The following ZFHX4 variants were observed in gnomAD, a reference collection of about 807,000 sequenced individuals.
ZFHX4 encodes the protein zinc finger homeobox protein 4.
Under a neutral mutation model 267.6 loss-of-function variants are expected in ZFHX4, and 56 were observed. The observed-to-expected ratio is 0.21, with a 90% CI of 0.17 to 0.26. The LOEUF is 0.26. ZFHX4 is among the 10% of genes least tolerant of loss of function. The pLI, the probability that ZFHX4 is intolerant of heterozygous loss-of-function variation, is 1.00. For synonymous variants in ZFHX4, 1,778 were observed against 1,665.6 expected (o/e 1.07, Z -1.64); for missense variants, 4,332 against 4,420.0 (o/e 0.98, Z 0.56).
chr8:76,809,708 C>G (rs1048190265), intron 4 of ZFHX4, among the ~76,000 whole-genome samples: 1 of 151,998 alleles, frequency 6.6e-6, no homozygotes, highest in African/African-American at 2.4e-5. Flanking sequence ...TTTGTTTTCC[C>G]TTCTGAAATT....
At chr8:76,819,083 TC>T (rs1412900733) in intron 4 of ZFHX4, among the ~76,000 whole-genome samples, 1 of 151,514 alleles carries the variant, frequency 6.6e-6, no homozygotes, top group African/African-American at 2.4e-5. Flanking sequence ...TTTTCCCCTT[TC>T]AGACAAAATG....
intron 4 of ZFHX4, among the ~76,000 whole-genome samples, chr8:76,819,214 A>G (rs1226657145): frequency 1.4e-5 from 2 of 140,078 alleles, no homozygotes; most frequent in African/African-American, 5.4e-5. Flanking sequence ...GGCTTTTGGT[A>G]GTTTTAATAA....
intron 4 of ZFHX4, among the ~76,000 whole-genome samples, chr8:76,792,810 C>CT (rs1168886119): frequency 1.3e-5 from 2 of 152,066 alleles, no homozygotes; most frequent in African/African-American, 2.4e-5. Flanking sequence ...TCCATCTGCT[C>CT]TTTTTTTGAC....
chr8:76,780,236 C>A (rs1383356801), intron 4 of ZFHX4, among the ~76,000 whole-genome samples: 1 of 152,066 alleles, frequency 6.6e-6, no homozygotes, highest in Admixed American at 6.6e-5. Flanking sequence ...CTATGTCTTA[C>A]AATGTGTTTT....
At position 76,854,734 on chromosome 8, in the gene ZFHX4, G is replaced by A; in HGVS notation, c.7813G>A (p.Asp2605Asn). Residue 2605 changes from aspartate to asparagine, a missense_variant, in exon 10 of 11, where the codon GAT becomes AAT. By Grantham distance (23) the Asp-to-Asn change is conservative. Around this residue, in one of 7 missense-constraint regions of ZFHX4, gnomAD observed 1,648 missense variants for 1,625.0 expected, o/e 1.01. Coordinates refer to ENST00000651372, the MANE Select transcript of ZFHX4 (RefSeq NM_024721.5). Reference protein sequence around the residue: ...GGNSGEDQHRDKRLRTTITPE... With the variant: ...GGNSGEDQHRNKRLRTTITPE... Reference sequence around the variant, plus strand: ...GAATAGCGGTGAAGACCAACACCGAGATAAACGCTTGAGAACCACGATCAC... The same window carrying A: ...GAATAGCGGTGAAGACCAACACCGAAATAAACGCTTGAGAACCACGATCAC... 6.2e-7 allele frequency: 1 copy of A among 1,612,864 alleles called. No individual in the cohort carries two copies. Among genetic ancestry groups the A allele is most frequent in the Admixed American group, 1.7e-5 (1 of 59,870 alleles).
intron 3 of ZFHX4, among the ~76,000 whole-genome samples, chr8:76,757,275 A>T (rs1041091448): frequency 6.6e-6 from 1 of 152,182 alleles, no homozygotes; most frequent in East Asian, 1.9e-4. Context: ...ATACAAAATT[A>T]ATATGGGATG....
chr8:76,695,741 A>G (rs1807939466), intron 1 of ZFHX4, among the ~76,000 whole-genome samples: 1 of 152,228 alleles, frequency 6.6e-6, no homozygotes, highest in Admixed American at 6.5e-5. Context: ...ACAGTGTTAA[A>G]GTGAAATAAT....
intron 10 of ZFHX4, among the ~76,000 whole-genome samples, chr8:76,862,778 A>G (rs1812903815): frequency 6.6e-6 from 1 of 152,198 alleles, no homozygotes; most frequent in African/African-American, 2.4e-5. Flanking sequence ...AGGAACCACT[A>G]TAGTTCACGA....
chr8:76,737,166 A>C (rs1809185484), intron 3 of ZFHX4, among the ~76,000 whole-genome samples: 1 of 152,114 alleles, frequency 6.6e-6, no homozygotes, highest in Admixed American at 6.6e-5. Flanking sequence ...TAGGTAATAA[A>C]CCTGTATCTG....
At chr8:76,812,410 T>A (rs1811400754) in intron 4 of ZFHX4, among the ~76,000 whole-genome samples, 2 of 152,198 alleles carry the variant, frequency 1.3e-5, no homozygotes, top group Non-Finnish European at 2.9e-5. Context: ...CTCTCAACCT[T>A]AGCAGTGGAA....
Position 76,707,662 on chromosome 8 carries a change from C to T in ZFHX4, c.2707C>T (p.Leu903=). Residue 903 remains leucine (L), a synonymous_variant, in exon 3 of 11, where the codon CTA becomes TTA. Coordinates refer to ENST00000651372, the MANE Select transcript of ZFHX4 (RefSeq NM_024721.5). ...TTATATCAGTGACCCAGCGCTGAAG[C>T]TATTCCAGTGTGCTGTTTGCAACAA... ...SPYISDPALK[L]FQCAVCNKFT... 6.2e-7 allele frequency: 1 copy of T among 1,613,886 alleles called. No homozygotes were observed. The highest frequency in any genetic ancestry group is 8.5e-7 in the Non-Finnish European group (1 of 1,179,886).
intron 4 of ZFHX4, among the ~76,000 whole-genome samples, chr8:76,811,893 C>T (rs1197088792): frequency 6.6e-6 from 1 of 152,118 alleles, no homozygotes; most frequent in Non-Finnish European, 1.5e-5. Context: ...CATTGCACTC[C>T]AGCCTGGGCA....
chr8:76,731,476 A>G (rs1053435460), intron 3 of ZFHX4, among the ~76,000 whole-genome samples: 3 of 152,126 alleles, frequency 2.0e-5, no homozygotes, highest in African/African-American at 4.8e-5. Flanking sequence ...AATTGAAGGC[A>G]TTTATCTTCT....
At chr8:76,747,918 G>A (rs1439170890) in intron 3 of ZFHX4, among the ~76,000 whole-genome samples, 2 of 150,808 alleles carry the variant, frequency 1.3e-5, no homozygotes, top group African/African-American at 5.0e-5. Flanking sequence ...GGGCAACAGA[G>A]CGAGGCTCTA....
At chr8:76,829,297 C>T (rs906959964) in intron 4 of ZFHX4, among the ~76,000 whole-genome samples, 3 of 150,592 alleles carry the variant, frequency 2.0e-5, no homozygotes, top group African/African-American at 7.3e-5. Context: ...CGGGTAGGAG[C>T]GGAAGATTTG....
At chr8:76,861,923 G>T (rs140017881) in intron 10 of ZFHX4, among the ~76,000 whole-genome samples, 3 of 151,318 alleles carry the variant, frequency 2.0e-5, no homozygotes, top group Non-Finnish European at 2.9e-5. Context: ...TCTTCCTTCC[G>T]CCCACCAGAC....
At position 76,716,682 on chromosome 8, in the gene ZFHX4, G is replaced by A. The variant is rs180901157; in HGVS notation, c.3093+8634G>A. 8.5e-5 allele frequency among the ~76,000 whole-genome samples: 13 copies of A among 152,222 alleles called. 1 individual carries two copies. The highest frequency in any genetic ancestry group is 3.4e-3 in the Middle Eastern group (1 of 294). Reference sequence around the variant, plus strand: ...AGGTATTGCAGATGTAGTAAGAGCTGGCTGGTAGGTTTGTGCACATGAATG... The same window carrying A: ...AGGTATTGCAGATGTAGTAAGAGCTAGCTGGTAGGTTTGTGCACATGAATG... On this transcript the variant is annotated intron_variant, in intron 3 of 10. Coordinates refer to ENST00000651372, the MANE Select transcript of ZFHX4 (RefSeq NM_024721.5).
chr8:76,811,000 C>G (rs796349138), intron 4 of ZFHX4, among the ~76,000 whole-genome samples: 1 of 152,166 alleles, frequency 6.6e-6, no homozygotes, highest in African/African-American at 2.4e-5. Flanking sequence ...ATGAGCCCGA[C>G]GCTCTGCTTA....
Position 76,706,500 on chromosome 8 carries a change from G to T in ZFHX4, c.2412G>T (p.Gln804His). The T allele has an allele frequency of 1.2e-6, 2 of 1,613,892 alleles. No homozygotes were observed. Among genetic ancestry groups the T allele is most frequent in the Non-Finnish European group, 8.5e-7 (1 of 1,179,868 alleles). ...NMMLLQQNMK[Q>H]IQHNLHLGLA... Reference sequence around the variant, plus strand: ...TGCTTTTGCAGCAGAACATGAAGCAGATCCAGCATAATCTGCACTTGGGCC... The same window carrying T: ...TGCTTTTGCAGCAGAACATGAAGCATATCCAGCATAATCTGCACTTGGGCC... The change falls in exon 2 of 11, where the codon CAG (glutamine) becomes CAT (histidine). Residue 804 changes from glutamine to histidine, a missense_variant. Coordinates refer to ENST00000651372, the MANE Select transcript of ZFHX4 (RefSeq NM_024721.5).
Sources: gnomAD v4.1 joint callset for allele counts (sites outside exome capture counted in the v4.1 genomes callset) on GRCh38, gnomAD v4.1.1 for gene constraint, gnomAD v4.1.1 regional missense constraint, MANE v1.5 for transcripts, NCBI Gene and HGNC (gene_info 2026-07-23, HGNC 2026-07-21) for gene names.